ROBO1: variants seen among roughly 807,000 people sequenced by gnomAD.
ROBO1 encodes roundabout homolog 1.
Under a neutral mutation model 195.9 loss-of-function variants are expected in ROBO1, and 149 were observed. That is an observed-to-expected ratio of 0.76 (90% CI 0.67 to 0.87). The LOEUF is 0.87. Among genes scored for constraint, ROBO1 ranks in the 40% least tolerant of loss-of-function variants. ROBO1 has a pLI of 0.00. For synonymous variants in ROBO1, 816 were observed against 733.2 expected, an observed-to-expected ratio of 1.11 and a Z score of -1.82; for missense variants, 1,933 against 2,068.3, an observed-to-expected ratio of 0.93 and a Z score of 1.27.
intron 2 of ROBO1, among the ~76,000 whole-genome samples, chr3:79,394,938 C>T (rs1207320899): frequency 6.6e-6 from 1 of 152,054 alleles, no homozygotes; most frequent in African/African-American, 2.4e-5. Context: ...TTTATGGAGG[C>T]ACAAAATTTA....
chr3:79,049,522 C>G (rs553908174), intron 3 of ROBO1, among the ~76,000 whole-genome samples: 1 of 152,240 alleles, frequency 6.6e-6, no homozygotes, highest in Admixed American at 6.5e-5. Context: ...GGCAGGCCAA[C>G]ATTCAAATTC....
intron 3 of ROBO1, among the ~76,000 whole-genome samples, chr3:79,104,686 T>G (rs2079744333): frequency 6.6e-6 from 1 of 151,754 alleles, no homozygotes; most frequent in African/African-American, 2.4e-5. Flanking sequence ...ATAAAGAGGT[T>G]ACTTAGCCCA....
chr3:79,593,226 G>T (rs1455459780), intron 1 of ROBO1, among the ~76,000 whole-genome samples: 1 of 152,046 alleles, frequency 6.6e-6, no homozygotes, highest in African/African-American at 2.4e-5. Flanking sequence ...ATATCCGTTT[G>T]CAGGTTTTTA....
chr3:78,613,023 A>T (rs2107346903), intron 28 of ROBO1, among the ~76,000 whole-genome samples: 2 of 152,366 alleles, frequency 1.3e-5, no homozygotes, highest in East Asian at 3.9e-4. Context: ...TTTAATTATT[A>T]ACACTGAAAC....
At chr3:78,758,525 CAA>C (rs5850391) in intron 4 of ROBO1, among the ~76,000 whole-genome samples, 18,709 of 84,140 alleles carry the variant, frequency 0.22, 936 homozygotes, top group African/African-American at 0.23. Flanking sequence ...GACCCTATCT[CAA>C]AAAAAAAAAA....
At chr3:78,728,984 A>G (rs2082226697) in intron 5 of ROBO1, among the ~76,000 whole-genome samples, 1 of 152,220 alleles carries the variant, frequency 6.6e-6, no homozygotes, top group Non-Finnish European at 1.5e-5. Context: ...AGAAGCAACA[A>G]GAGACTTATG....
intron 2 of ROBO1, among the ~76,000 whole-genome samples, chr3:79,532,615 C>T (rs1941704025): frequency 7.4e-6 from 1 of 134,608 alleles, no homozygotes; most frequent in Admixed American, 7.4e-5. Context: ...AACTACTGAT[C>T]TTTTCTCACA....
intron 2 of ROBO1, among the ~76,000 whole-genome samples, chr3:79,422,774 G>A (rs2038282464): frequency 6.6e-6 from 1 of 152,036 alleles, no homozygotes; most frequent in South Asian, 2.1e-4. Flanking sequence ...CTTGTACAGA[G>A]CAAAAGCAAA....
chr3:79,709,223 TTC>T (rs1053755470), intron 1 of ROBO1, among the ~76,000 whole-genome samples: 2 of 152,162 alleles, frequency 1.3e-5, no homozygotes, highest in African/African-American at 4.8e-5. Context: ...ATAATCTCAT[TTC>T]TTTTTCCAAG....
chr3:79,208,648 G>T (rs536429555), intron 2 of ROBO1, among the ~76,000 whole-genome samples: 19 of 151,924 alleles, frequency 1.3e-4, no homozygotes, highest in African/African-American at 3.9e-4. Flanking sequence ...GGGTTTGCAA[G>T]AAAGTTAATA....
intron 2 of ROBO1, among the ~76,000 whole-genome samples, chr3:79,270,842 T>C (rs2030486138): frequency 6.6e-6 from 1 of 151,980 alleles, no homozygotes; most frequent in Non-Finnish European, 1.5e-5. Flanking sequence ...TGACAAATAG[T>C]TGAATTGTGC....
chr3:79,422,659 C>T (rs999250567), intron 2 of ROBO1, among the ~76,000 whole-genome samples: 2 of 152,108 alleles, frequency 1.3e-5, no homozygotes, highest in South Asian at 4.2e-4. Context: ...GAAATGAGGG[C>T]TTTGTTTAAT....
chr3:79,040,514 A>C (rs1288813577), intron 3 of ROBO1, among the ~76,000 whole-genome samples: 1 of 152,174 alleles, frequency 6.6e-6, no homozygotes, highest in Non-Finnish European at 1.5e-5. Flanking sequence ...AGGTCAAGTC[A>C]TATCTTTATC....
intron 2 of ROBO1, among the ~76,000 whole-genome samples, chr3:79,463,743 GTATGA>G (rs1937787804): frequency 6.6e-6 from 1 of 152,164 alleles, no homozygotes. Flanking sequence ...GTCTTCAAAT[GTATGA>G]TATAACATTT....
At chr3:79,108,459 T>C in intron 3 of ROBO1, among the ~76,000 whole-genome samples, 1 of 151,838 alleles carries the variant, frequency 6.6e-6, no homozygotes, top group Admixed American at 6.6e-5. Flanking sequence ...TAGAGAAATG[T>C]ATTATATTAA....
chr3:79,561,334 A>G (rs1942912759), intron 2 of ROBO1, among the ~76,000 whole-genome samples: 1 of 152,208 alleles, frequency 6.6e-6, no homozygotes, highest in African/African-American at 2.4e-5. Flanking sequence ...TGGGAGTAAG[A>G]TTTCCTACAA....
chr3:78,911,686 T>C (rs746141497), intron 4 of ROBO1, among the ~76,000 whole-genome samples: 1 of 152,050 alleles, frequency 6.6e-6, no homozygotes, highest in African/African-American at 2.4e-5. Flanking sequence ...TCAATTGATA[T>C]GGTCATTGCA....
chr3:79,189,680 T>A (rs1408283275), intron 2 of ROBO1, among the ~76,000 whole-genome samples: 1 of 151,778 alleles, frequency 6.6e-6, no homozygotes, highest in Non-Finnish European at 1.5e-5. Context: ...GGCACTCTGA[T>A]GCATTAAGCA....
intron 2 of ROBO1, among the ~76,000 whole-genome samples, chr3:79,250,108 A>G (rs1277547015): frequency 6.6e-6 from 1 of 152,212 alleles, no homozygotes; most frequent in East Asian, 1.9e-4. Flanking sequence ...GCTGATACAG[A>G]TTGAAGACTG....
Sources: gnomAD v4.1 joint callset for allele counts (sites outside exome capture counted in the v4.1 genomes callset) on GRCh38, gnomAD v4.1.1 for gene constraint, MANE v1.5 for transcripts, NCBI Gene and HGNC (gene_info 2026-07-23, HGNC 2026-07-21) for gene names.